The following CAPG variants were observed in gnomAD, a reference collection of about 807,000 sequenced individuals.
CAPG encodes the protein macrophage-capping protein.
CAPG carries 32 observed loss-of-function variants against 44.6 expected under a neutral mutation model. The observed-to-expected ratio is 0.72, with a 90% CI of 0.54 to 0.96. The LOEUF is 0.96. CAPG is among the 50% of genes least tolerant of loss of function. CAPG has a pLI of 0.00. For missense variants in CAPG, 412 were observed against 438.3 expected (o/e 0.94, Z 0.54); for synonymous variants, 175 against 179.6 (o/e 0.97, Z 0.20).
chr2:85,414,515 A>C (rs180810780), upstream of CAPG, among the ~76,000 whole-genome samples: 3 of 150,926 alleles, frequency 2.0e-5, no homozygotes, highest in Admixed American at 2.0e-4. Flanking sequence ...CTACAGCCTC[A>C]ACCTCCCAGG....
In CAPG at chr2:85,401,839, A is replaced by G; in HGVS notation, c.142T>C (p.Tyr48His). The G allele has an allele frequency of 6.2e-7, 1 of 1,614,028 alleles. No individual in the cohort carries two copies. Among genetic ancestry groups the G allele is most frequent in the Non-Finnish European group, 8.5e-7 (1 of 1,179,988 alleles). ...NQGVFFSGDS[Y>H]LVLHNGPEEV... ...TCTGGGCCATTGTGCAGCACTAGGT[A>G]GGAGTCCCCCGAGAAGAAGACGCCC... Residue 48 changes from tyrosine to histidine, a missense_variant, in exon 3 of 10, where the codon TAC (tyrosine) becomes CAC (histidine). Physicochemically the swap from Tyr to His is moderately conservative, Grantham distance 83 (BLOSUM62 2). Transcript: ENST00000263867.
chr2:85,414,430 A>ATT (rs34698883), upstream of CAPG, among the ~76,000 whole-genome samples: 5 of 129,592 alleles, frequency 3.9e-5, no homozygotes, highest in South Asian at 9.9e-4. Context: ...CAGAACTAAG[A>ATT]TTTTTTTTTT....
intron 1 of CAPG, among the ~76,000 whole-genome samples, chr2:85,408,074 G>A (rs1687247145): frequency 6.6e-6 from 1 of 152,084 alleles, no homozygotes; most frequent in African/African-American, 2.4e-5. Context: ...TGGGCACAGT[G>A]GCTCATGCCT....
At chr2:85,406,187 G>T (rs1687143813) in intron 1 of CAPG, among the ~76,000 whole-genome samples, 1 of 151,476 alleles carries the variant, frequency 6.6e-6, no homozygotes, top group Non-Finnish European at 1.5e-5. Flanking sequence ...GGAGGCGGAG[G>T]TTGCAGTGAG....
chr2:85,402,107 G>A lies in CAPG; in HGVS notation c.23+16C>T. The A allele has an allele frequency of 1.2e-6, 2 of 1,610,204 alleles. No individual in the cohort carries two copies. The highest frequency in any genetic ancestry group is 1.7e-6 in the Non-Finnish European group (2 of 1,177,816). ...AGAAGGGGAAGTTGTGAAAGGAGATGGGGCATGCAGCTTACCTCTGGGGAA... is the reference window on the plus strand; with the variant it reads ...AGAAGGGGAAGTTGTGAAAGGAGATAGGGCATGCAGCTTACCTCTGGGGAA... On this transcript the variant is annotated intron_variant, in intron 2 of 9. Coordinates refer to ENST00000263867, the MANE Select transcript of CAPG (RefSeq NM_001747.4).
At chr2:85,399,469 T>C (rs1483172284) in intron 5 of CAPG, among the ~76,000 whole-genome samples, 184 bp from the exon 6 acceptor site, 1 of 152,216 alleles carries the variant, frequency 6.6e-6, no homozygotes, top group Non-Finnish European at 1.5e-5. Context: ...CTGCAACTGT[T>C]TCTCTGCCCA....
chr2:85,401,438 C>T, intron 4 of CAPG, 91 bp downstream of exon 4: 1 of 1,576,946 alleles, frequency 6.3e-7, no homozygotes, highest in Non-Finnish European at 8.7e-7. Flanking sequence ...TCCAAAGGCA[C>T]CCGGGTCTTC....
At position 85,398,170 on chromosome 2, in the gene CAPG, T is replaced by G; in HGVS notation, c.760-18A>C. On this transcript the variant is annotated intron_variant, in intron 7 of 9. Coordinates refer to ENST00000263867, the MANE Select transcript of CAPG (RefSeq NM_001747.4). ...TCAGAGACCTGGGGAGGAGGGACAG[T>G]GCCTGATCTCACCCCCCACACACCA... The G allele has an allele frequency of 6.2e-7, 1 of 1,610,838 alleles. No homozygotes were observed. The highest frequency in any genetic ancestry group is 8.5e-7 in the Non-Finnish European group (1 of 1,178,810).
chr2:85,400,778 T>C (rs1375654259), intron 5 of CAPG, among the ~76,000 whole-genome samples: 1 of 150,858 alleles, frequency 6.6e-6, no homozygotes, highest in Non-Finnish European at 1.5e-5. Flanking sequence ...ACATCCTGCC[T>C]CAGGTTATGG....
chr2:85,411,801 C>T (rs1327810790), upstream of CAPG, among the ~76,000 whole-genome samples: 2 of 152,218 alleles, frequency 1.3e-5, no homozygotes, highest in African/African-American at 4.8e-5. Flanking sequence ...GTGGCTGTCT[C>T]CGGTAATCCC....
At chr2:85,402,393 C>A (rs900561769) in intron 1 of CAPG, among the ~76,000 whole-genome samples, 4 of 152,178 alleles carry the variant, frequency 2.6e-5, no homozygotes, top group African/African-American at 9.7e-5. Flanking sequence ...GGGCCAGGGT[C>A]TTCCGTCTGC....
Position 85,395,390 on chromosome 2 carries a change from G to A in CAPG, c.981+148C>T. On this transcript the variant is annotated intron_variant, in intron 9 of 9. Coordinates refer to ENST00000263867, the MANE Select transcript of CAPG (RefSeq NM_001747.4). This position sits in a 1 kb window ranked among gnomAD's most constrained non-coding sequence, Gnocchi z 4.3. ...TTTTGACATTTTGAAGGATTGAGAT[G>A]GGCTTTCCCACTGGATGGGTCTAAG... 1.5e-6 allele frequency: 1 copy of A among 648,822 alleles called. No individual in the cohort carries two copies. Among genetic ancestry groups the A allele is most frequent in the Non-Finnish European group, 2.8e-6 (1 of 359,156 alleles). The allele number at this position is 648,822 out of a possible 1,614,324, so 40.2% of individuals were successfully genotyped here.
At chr2:85,404,054 T>C (rs967304097) in intron 1 of CAPG, among the ~76,000 whole-genome samples, 3 of 152,064 alleles carry the variant, frequency 2.0e-5, no homozygotes, top group African/African-American at 7.2e-5. Flanking sequence ...AGTGTATATT[T>C]CAAGATAGCC....
At chr2:85,404,252 T>C (rs1003637944) in intron 1 of CAPG, among the ~76,000 whole-genome samples, 1 of 100,418 alleles carries the variant, frequency 1.0e-5, no homozygotes, top group Non-Finnish European at 2.1e-5. Flanking sequence ...TTAAAATAAA[T>C]AAATAAAGCC....
At position 85,401,568 on chromosome 2, in the gene CAPG, G is replaced by T. The variant is rs747556915; in HGVS notation, c.312C>A (p.Asp104Glu). The change falls in exon 4 of 10, where the codon GAC becomes GAA. Residue 104 changes from aspartate to glutamate, a missense_variant. By Grantham distance (45) the Asp-to-Glu change is conservative. Transcript: ENST00000263867. ...QHREVQGNESDLFMSYFPRGL... is the reference protein window; with the variant it reads ...QHREVQGNESELFMSYFPRGL... ...CCCGTGGGAAGTAGCTCATGAAGAG[G>T]TCAGACTCATTGCCCTGCACCTCGC... 1.9e-6 allele frequency: 3 copies of T among 1,614,168 alleles called. No homozygotes were observed. Among genetic ancestry groups the T allele is most frequent in the Non-Finnish European group, 8.5e-7 (1 of 1,180,020 alleles).
At chr2:85,396,371 T>C (rs1470662843) in intron 8 of CAPG, among the ~76,000 whole-genome samples, 1 of 151,898 alleles carries the variant, frequency 6.6e-6, no homozygotes, top group Non-Finnish European at 1.5e-5. Context: ...GGTTTTTTTT[T>C]TGTAGAGAAG....
At chr2:85,392,187 G>A (rs372184790), downstream of CAPG, among the ~76,000 whole-genome samples, 10 of 152,182 alleles carry the variant, frequency 6.6e-5, no homozygotes, top group South Asian at 4.1e-4. Flanking sequence ...TCAGGAGATC[G>A]AGACCATCCT....
intron 1 of CAPG, among the ~76,000 whole-genome samples, chr2:85,417,508 A>G (rs1218672158): frequency 7.6e-6 from 1 of 131,850 alleles, no homozygotes; most frequent in African/African-American, 3.0e-5. Context: ...TTTGAGACAG[A>G]GTCTGGCTCT....
intron 1 of CAPG, among the ~76,000 whole-genome samples, chr2:85,417,256 AT>A (rs1687575372): frequency 6.6e-6 from 1 of 152,140 alleles, no homozygotes. Context: ...TAATCCTTGC[AT>A]TTACTCTCTA....
Sources: gnomAD v4.1 joint callset for allele counts (sites outside exome capture counted in the v4.1 genomes callset) on GRCh38, gnomAD v4.1.1 for gene constraint, Gnocchi (gnomAD v3.1) non-coding constraint, MANE v1.5 for transcripts, NCBI Gene and HGNC (gene_info 2026-07-23, HGNC 2026-07-21) for gene names.